The following GGA2 variants were observed in gnomAD, a reference collection of about 807,000 sequenced individuals.
GGA2 encodes the protein ADP-ribosylation factor-binding protein GGA2.
In GGA2, 48 loss-of-function variants were observed where a neutral mutation model predicts 79.5. The ratio of observed to expected loss-of-function variants is 0.60; its 90% CI spans 0.48 to 0.77. GGA2 has a LOEUF of 0.77. Among genes scored for constraint, GGA2 ranks in the 30% least tolerant of loss-of-function variants. The pLI, the probability that GGA2 is intolerant of heterozygous loss-of-function variation, is 0.00. For missense variants in GGA2, 770 were observed against 774.0 expected (o/e 0.99, Z 0.06); for synonymous variants, 317 against 302.0 (o/e 1.05, Z -0.51).
intron 13 of GGA2, 32 bp from the exon 14 acceptor site, chr16:23,475,093 C>A: frequency 6.9e-7 from 1 of 1,443,726 alleles, no homozygotes; most frequent in Admixed American, 2.2e-5. Flanking sequence ...CAAAGACTAG[C>A]AAAAATTGTA....
At chr16:23,484,603 G>A (rs1402360973) in intron 8 of GGA2, among the ~76,000 whole-genome samples, 1 of 152,186 alleles carries the variant, frequency 6.6e-6, no homozygotes, top group African/African-American at 2.4e-5. Context: ...TGTCTTCTAA[G>A]ATGCACAAGC....
intron 1 of GGA2, among the ~76,000 whole-genome samples, chr16:23,497,918 G>A (rs1596992121): frequency 1.3e-5 from 2 of 152,290 alleles, no homozygotes; most frequent in African/African-American, 4.8e-5. Context: ...AGGACCGCTT[G>A]AGCCTAGGAG....
intron 2 of GGA2, among the ~76,000 whole-genome samples, chr16:23,495,057 T>C (rs540078912): frequency 6.6e-6 from 1 of 150,530 alleles, no homozygotes; most frequent in African/African-American, 2.4e-5. Context: ...TGCACTCCAG[T>C]CTTGAGACAC....
chr16:23,514,718 C>A (rs1726693178), upstream of GGA2, among the ~76,000 whole-genome samples: 1 of 152,152 alleles, frequency 6.6e-6, no homozygotes, highest in African/African-American at 2.4e-5. Flanking sequence ...GGACTACAGG[C>A]ATAAGCCACC....
At chr16:23,486,251 AG>A in intron 7 of GGA2, 99 bp from the exon 8 acceptor site, 1 of 1,052,598 alleles carries the variant, frequency 9.5e-7, no homozygotes, top group Non-Finnish European at 1.4e-6. Flanking sequence ...GAGCTCGCTC[AG>A]GGGCATCACC....
At chr16:23,479,694 G>A (rs1596980750) in intron 11 of GGA2, 71 bp downstream of exon 11, 10 of 1,553,234 alleles carry the variant, frequency 6.4e-6, no homozygotes, top group East Asian at 2.3e-5. Context: ...CATGTGCTCC[G>A]CGAAGGGAAC....
At chr16:23,521,745 C>T (rs1406276251) in intron 1 of GGA2, 1 of 449,836 alleles carries the variant, frequency 2.2e-6, no homozygotes, top group Non-Finnish European at 4.4e-6. Context: ...GTAGATATAC[C>T]AGAATCGACT....
chr16:23,517,888 CG>C (rs1245459836), intron 2 of GGA2, among the ~76,000 whole-genome samples: 2 of 152,052 alleles, frequency 1.3e-5, no homozygotes, highest in African/African-American at 2.4e-5. Flanking sequence ...CATGAGCCAC[CG>C]CGCCTGGCCT....
At chr16:23,492,043 T>C (rs556877086) in intron 4 of GGA2, among the ~76,000 whole-genome samples, 2 of 152,038 alleles carry the variant, frequency 1.3e-5, no homozygotes, top group African/African-American at 4.8e-5. Flanking sequence ...TCAGAGCCTG[T>C]TCTACACCAC....
chr16:23,486,183 G>A (rs200011706), intron 7 of GGA2, 31 bp from the exon 8 acceptor site: 168 of 1,610,054 alleles, frequency 1.0e-4, no homozygotes, highest in Non-Finnish European at 1.3e-4. Context: ...ATGGGAGTGA[G>A]GGAGCAGAAA....
chr16:23,507,707 G>A (rs1313316951), intron 1 of GGA2, among the ~76,000 whole-genome samples: 3 of 152,186 alleles, frequency 2.0e-5, no homozygotes, highest in Admixed American at 6.5e-5. Context: ...GGCTGAGGCA[G>A]GAGAATTGCT....
At chr16:23,478,536 G>A in intron 12 of GGA2, 35 bp from the exon 13 acceptor site, 1 of 1,600,566 alleles carries the variant, frequency 6.2e-7, no homozygotes, top group Non-Finnish European at 8.5e-7. Flanking sequence ...TAAGACCAGG[G>A]TATGAATGAC....
At chr16:23,516,495 C>T (rs1207314767) in intron 2 of GGA2, among the ~76,000 whole-genome samples, 1 of 152,254 alleles carries the variant, frequency 6.6e-6, no homozygotes, top group African/African-American at 2.4e-5. Flanking sequence ...TCTTCTCCTA[C>T]TGGGGCTCCT....
At chr16:23,524,278 C>T, upstream of GGA2, 1 of 1,078,926 alleles carries the variant, frequency 9.3e-7, no homozygotes, top group East Asian at 2.4e-5. Context: ...AGCAAACTTC[C>T]CGACGGGCCC....
At chr16:23,495,603 G>T in intron 2 of GGA2, 91 bp downstream of exon 2, 1 of 677,986 alleles carries the variant, frequency 1.5e-6, no homozygotes, top group Non-Finnish European at 2.5e-6. Flanking sequence ...TGCCTAGAGA[G>T]CTTAACCCTA....
At position 23,474,935 on chromosome 16, in the gene GGA2, T is replaced by G; in HGVS notation, c.1419A>C (p.Gln473His). ...SPSSQNTPLA[Q>H]VFVPLESVKP... is the part of the protein sequence containing the mutation. ...TAACAGACTCCAAAGGGACAAACAC[T>G]TGAGCCAGAGGTGTATTCTGTGAAG... Residue 473 changes from glutamine (Q) to histidine (H), a missense_variant, in exon 14 of 17, where the codon CAA (glutamine) becomes CAC (histidine). Coordinates refer to ENST00000309859, the MANE Select transcript of GGA2 (RefSeq NM_015044.4). The G allele has an allele frequency of 6.2e-7, 1 of 1,613,132 alleles. No homozygotes were observed. Among genetic ancestry groups the G allele is most frequent in the East Asian group, 2.2e-5 (1 of 44,846 alleles).
chr16:23,468,968 G>A lies in GGA2; in HGVS notation c.1649C>T (p.Ser550Phe). Reference protein sequence around the residue: ...KSMRVKLQPASSSKLPAFSPL... With the variant: ...KSMRVKLQPAFSSKLPAFSPL... ...ACTGAATGCAGGAAGCTTGGAGCTGGATGCCGGCTGCAGCTTCACTCTCAT... is the reference window on the plus strand; with the variant it reads ...ACTGAATGCAGGAAGCTTGGAGCTGAATGCCGGCTGCAGCTTCACTCTCAT... Residue 550 changes from serine to phenylalanine, a missense_variant, in exon 16 of 17, where the codon TCC (serine) becomes TTC (phenylalanine). Transcript: ENST00000309859. 1 of 1,610,890 alleles carries A rather than the reference G, an allele frequency of 6.2e-7. No homozygotes were observed. Among genetic ancestry groups the A allele is most frequent in the Non-Finnish European group, 8.5e-7 (1 of 1,177,092 alleles).
chr16:23,490,098 A>G (rs1045918524), intron 5 of GGA2, among the ~76,000 whole-genome samples: 12 of 152,342 alleles, frequency 7.9e-5, no homozygotes, highest in African/African-American at 2.9e-4. Flanking sequence ...AGTGGCAAGA[A>G]CAAGGAGAAA....
At chr16:23,477,346 T>C (rs917577376) in intron 13 of GGA2, among the ~76,000 whole-genome samples, 23 of 152,198 alleles carry the variant, frequency 1.5e-4, no homozygotes, top group African/African-American at 5.5e-4. Context: ...GGGTGCAGTT[T>C]CCCCATACTG....
Sources: gnomAD v4.1 joint callset for allele counts (sites outside exome capture counted in the v4.1 genomes callset) on GRCh38, gnomAD v4.1.1 for gene constraint, MANE v1.5 for transcripts, NCBI Gene and HGNC (gene_info 2026-07-23, HGNC 2026-07-21) for gene names.